The following GLG1 variants were observed in gnomAD, a reference collection of about 807,000 sequenced individuals.
The protein encoded by GLG1 is Golgi apparatus protein 1.
Under a neutral mutation model 160.5 loss-of-function variants are expected in GLG1, and 38 were observed. The observed-to-expected ratio is 0.24, with a 90% confidence interval of 0.18 to 0.31. GLG1 has a LOEUF of 0.31. GLG1 is among the 10% of genes least tolerant of loss of function. The probability of loss-of-function intolerance (pLI) is 1.00; values close to 1 mark genes in which losing one functional copy is unlikely to be tolerated. For synonymous variants in GLG1, 644 were observed against 543.4 expected (o/e 1.19, Z -2.57); for missense variants, 1,373 against 1,505.2 (o/e 0.91, Z 1.45).
chr16:74,598,458 T>C (rs986153687), intron 1 of GLG1, among the ~76,000 whole-genome samples: 3 of 149,680 alleles, frequency 2.0e-5, no homozygotes, highest in Admixed American at 1.3e-4. Flanking sequence ...GAGGTGGAGG[T>C]TGCAGTGAGC....
intron 1 of GLG1, among the ~76,000 whole-genome samples, chr16:74,568,020 C>T (rs1270373623): frequency 6.6e-6 from 1 of 152,210 alleles, no homozygotes; most frequent in African/African-American, 2.4e-5. Context: ...AGACTATGCA[C>T]ATAACATTCC....
At chr16:74,603,679 TAAGTA>T (rs1667017209) in intron 1 of GLG1, among the ~76,000 whole-genome samples, 1 of 151,854 alleles carries the variant, frequency 6.6e-6, no homozygotes, top group Admixed American at 6.6e-5. Context: ...CAACCAAGAA[TAAGTA>T]AAGTATTTTA....
intron 1 of GLG1, among the ~76,000 whole-genome samples, chr16:74,587,832 G>C (rs1246214414): frequency 6.6e-6 from 1 of 152,136 alleles, no homozygotes; most frequent in Non-Finnish European, 1.5e-5. Flanking sequence ...CTCCAGCCTG[G>C]CGACACAGTG....
At chr16:74,520,302 A>C (rs1045331581) in intron 2 of GLG1, among the ~76,000 whole-genome samples, 2 of 151,934 alleles carry the variant, frequency 1.3e-5, no homozygotes, top group African/African-American at 4.8e-5. Flanking sequence ...GCCTTGGTGT[A>C]TTCCCTCATT....
chr16:74,590,025 G>C (rs980009309), intron 1 of GLG1, among the ~76,000 whole-genome samples: 11 of 151,802 alleles, frequency 7.2e-5, no homozygotes, highest in African/African-American at 2.7e-4. Flanking sequence ...TTTTGAGATG[G>C]AGTCTAGCTC....
chr16:74,590,653 G>T lies in GLG1; in HGVS notation c.438+16004C>A, dbSNP rs191444965. 2.0e-5 allele frequency among the ~76,000 whole-genome samples: 3 copies of T among 148,618 alleles called. No homozygotes were observed. In the East Asian group the frequency reaches 5.9e-4, roughly 29 times the overall value. ...AAAAAAAAAAAAAGAAATTAGCCGGGCGTGGTGACACCACATGCTTGTAAT... is the reference window on the plus strand; with the variant it reads ...AAAAAAAAAAAAAGAAATTAGCCGGTCGTGGTGACACCACATGCTTGTAAT... On this transcript the variant is annotated intron_variant, in intron 1 of 25. Coordinates refer to ENST00000422840, the MANE Select transcript of GLG1 (RefSeq NM_001145667.2).
At chr16:74,504,238 G>T (rs188149242) in intron 3 of GLG1, among the ~76,000 whole-genome samples, 1 of 152,288 alleles carries the variant, frequency 6.6e-6, no homozygotes, top group Admixed American at 6.5e-5. Flanking sequence ...AAACCTAAGG[G>T]CCAAGGAGAG....
intron 25 of GLG1, among the ~76,000 whole-genome samples, chr16:74,454,137 T>C (rs1055725769): frequency 9.2e-5 from 14 of 151,948 alleles, no homozygotes; most frequent in African/African-American, 3.4e-4. Context: ...CCTCCCAAAG[T>C]GCTGGGATTA....
At chr16:74,558,101 A>G (rs192797872) in intron 1 of GLG1, among the ~76,000 whole-genome samples, 120 of 152,308 alleles carry the variant, frequency 7.9e-4, no homozygotes, top group Middle Eastern at 3.4e-3. Flanking sequence ...TTCAACTTTC[A>G]CAGTCTGATT....
intron 2 of GLG1, among the ~76,000 whole-genome samples, chr16:74,524,117 G>C (rs1472074973): frequency 1.3e-5 from 2 of 152,080 alleles, no homozygotes; most frequent in Middle Eastern, 6.3e-3. Context: ...GCTGAGGCAG[G>C]AGAATCACTT....
chr16:74,478,355 G>A (rs2015467138), intron 11 of GLG1, among the ~76,000 whole-genome samples: 1 of 152,136 alleles, frequency 6.6e-6, no homozygotes, highest in African/African-American at 2.4e-5. Flanking sequence ...TTCTAGATGA[G>A]CTATGAAGAA....
At chr16:74,551,336 C>T (rs2018192355) in intron 1 of GLG1, among the ~76,000 whole-genome samples, 1 of 151,900 alleles carries the variant, frequency 6.6e-6, no homozygotes, top group Admixed American at 6.6e-5. Context: ...GTTCTGTCAC[C>T]CAGGGTGGAG....
intron 12 of GLG1, among the ~76,000 whole-genome samples, chr16:74,475,483 C>A (rs2015364387): frequency 6.6e-6 from 1 of 152,182 alleles, no homozygotes; most frequent in African/African-American, 2.4e-5. Context: ...CTCCAGTACA[C>A]ATCAAAAGGG....
intron 22 of GLG1, 126 bp downstream of exon 22, chr16:74,461,968 C>T (rs992251589): frequency 3.3e-6 from 2 of 613,024 alleles, no homozygotes; most frequent in African/African-American, 3.7e-5. Context: ...CCATGGAGAG[C>T]CTAGAAGATG....
rs1491436581 is a variant in GLG1 at position 74,498,448 on chromosome 16, G to GTGTATATATATATATA, written c.775-1805_775-1804insTATATATATATATACA. On this transcript the variant is annotated intron_variant, in intron 4 of 25. Coordinates refer to ENST00000422840, the MANE Select transcript of GLG1 (RefSeq NM_001145667.2). Reference sequence around the variant, plus strand: ...GGCTCTGTCTCAAAAAAAAAAAAAAGTATATATATATATATATATTATATT... The same window carrying GTGTATATATATATATA: ...GGCTCTGTCTCAAAAAAAAAAAAAAGTGTATATATATATATATATATATATATATATATATTATATT... 2.5e-3 allele frequency among the ~76,000 whole-genome samples: 61 copies of GTGTATATATATATATA among 24,046 alleles called. 1 individual carries two copies. Among genetic ancestry groups the GTGTATATATATATATA allele is most frequent in the South Asian group, 4.3e-3 (2 of 468 alleles). 15.8% of individuals were successfully genotyped at this position (24,046 alleles called of 152,430 possible). A position where few individuals can be genotyped will look rare whatever the true frequency, so the allele number is the denominator to read the frequency against.
chr16:74,570,761 G>A (rs190170586), intron 1 of GLG1, among the ~76,000 whole-genome samples: 10 of 152,178 alleles, frequency 6.6e-5, no homozygotes, highest in African/African-American at 1.2e-4. Flanking sequence ...GGTGGCACAC[G>A]CCTACAGACA....
At chr16:74,543,066 AGT>A (rs2017948546) in intron 1 of GLG1, among the ~76,000 whole-genome samples, 1 of 151,926 alleles carries the variant, frequency 6.6e-6, no homozygotes, top group Admixed American at 6.6e-5. Flanking sequence ...ACCCGTGGTG[AGT>A]GCATTGTTTA....
intron 15 of GLG1, among the ~76,000 whole-genome samples, chr16:74,470,623 T>C (rs1031881571): frequency 2.6e-5 from 4 of 151,766 alleles, no homozygotes; most frequent in African/African-American, 9.7e-5. Flanking sequence ...TAATTTTGTA[T>C]TTTTTGTAGA....
intron 2 of GLG1, among the ~76,000 whole-genome samples, chr16:74,512,554 G>A (rs916905779): frequency 3.3e-5 from 5 of 151,944 alleles, no homozygotes; most frequent in East Asian, 1.9e-4. Flanking sequence ...GTGAGTCATC[G>A]CGCCTGGCCT....
Sources: allele counts gnomAD v4.1 joint callset (sites outside exome capture counted in the v4.1 genomes callset), GRCh38; gene constraint gnomAD v4.1.1; transcripts MANE v1.5; gene names NCBI Gene and HGNC (gene_info 2026-07-23, HGNC 2026-07-21).